The following ACADL variants were observed in gnomAD, a reference collection of about 807,000 sequenced individuals.
ACADL encodes the protein long-chain specific acyl-CoA dehydrogenase, mitochondrial.
A neutral mutation model predicts 56.9 loss-of-function variants in ACADL; 60 were observed. That is an observed-to-expected ratio of 1.05 (90% CI 0.86 to 1.31). The LOEUF is 1.31. Ranked by LOEUF, ACADL falls within the 50% of genes most tolerant of loss-of-function variation. The pLI is 0.00. For missense variants in ACADL, 484 were observed against 525.5 expected (o/e 0.92, Z 0.77); for synonymous variants, 158 against 179.7 (o/e 0.88, Z 0.97).
intron 4 of ACADL, among the ~76,000 whole-genome samples, chr2:210,215,938 C>A (rs900267685): frequency 6.6e-6 from 1 of 152,158 alleles, no homozygotes; most frequent in African/African-American, 2.4e-5. Context: ...AAATAACCAG[C>A]AAATAACTGA....
chr2:210,208,613 A>T (rs1509572), intron 5 of ACADL, among the ~76,000 whole-genome samples: 134,439 of 152,178 alleles, frequency 0.88, 59,630 homozygotes, highest in East Asian at 1. Flanking sequence ...TGTAAAGTTC[A>T]AAAGAAAAAG....
intron 8 of ACADL, among the ~76,000 whole-genome samples, chr2:210,202,053 C>G (rs368843947): frequency 2.0e-5 from 3 of 152,072 alleles, no homozygotes; most frequent in African/African-American, 7.2e-5. Context: ...CTTCACTCAC[C>G]TGTCTTTCAA....
At chr2:210,192,661 G>A in intron 10 of ACADL, 143 bp downstream of exon 10, 1 of 656,084 alleles carries the variant, frequency 1.5e-6, no homozygotes, top group Admixed American at 2.5e-5. Flanking sequence ...GTTTCCATTT[G>A]CTTGAATACA....
intron 1 of ACADL, among the ~76,000 whole-genome samples, chr2:210,222,478 G>A (rs1244380295): frequency 7.0e-6 from 1 of 142,568 alleles, no homozygotes; most frequent in Non-Finnish European, 1.5e-5. Context: ...GCAACATAGT[G>A]AGCCTTGTCA....
intron 2 of ACADL, 112 bp from the exon 3 acceptor site, chr2:210,218,214 G>T: frequency 3.2e-5 from 30 of 931,146 alleles, no homozygotes; most frequent in East Asian, 1.6e-4. Context: ...ATTTAAGGTA[G>T]TTATTTACAT....
At chr2:210,197,166 T>C (rs577589248) in intron 8 of ACADL, among the ~76,000 whole-genome samples, 2 of 152,274 alleles carry the variant, frequency 1.3e-5, no homozygotes, top group East Asian at 3.9e-4. Flanking sequence ...ACTGTGCTGA[T>C]GAAAACTCCA....
In ACADL at chr2:210,205,761, C is replaced by A; in HGVS notation, c.639G>T (p.Val213=). 6.2e-7 allele frequency: 1 copy of A among 1,614,038 alleles called. No homozygotes were observed. Among genetic ancestry groups the A allele is most frequent in the Non-Finnish European group, 8.5e-7 (1 of 1,179,964 alleles). Residue 213 remains valine (V), a synonymous_variant, in exon 6 of 11, where the codon GTG becomes GTT. Coordinates refer to ENST00000233710, the MANE Select transcript of ACADL (RefSeq NM_001608.4). ...FISNGSLSDV[V]IVVAVTNHEA... Reference sequence around the variant, plus strand: ...CATGATTTGTGACCGCAACTACAATCACAACATCACTTAATGACCCATTAC... The same window carrying A: ...CATGATTTGTGACCGCAACTACAATAACAACATCACTTAATGACCCATTAC...
chr2:210,196,996 C>A (rs551277269), intron 8 of ACADL, among the ~76,000 whole-genome samples: 4 of 152,132 alleles, frequency 2.6e-5, no homozygotes, highest in African/African-American at 7.2e-5. Flanking sequence ...AAAACTGATT[C>A]TTTCACTGTC....
intron 8 of ACADL, among the ~76,000 whole-genome samples, chr2:210,196,670 C>A (rs1688715302): frequency 6.6e-6 from 1 of 152,168 alleles, no homozygotes; most frequent in Non-Finnish European, 1.5e-5. Context: ...AAAGTATACT[C>A]CATTCTAGTT....
intron 1 of ACADL, 124 bp from the exon 2 acceptor site, chr2:210,220,926 T>A (rs1689166754): frequency 1.3e-6 from 1 of 795,276 alleles, no homozygotes; most frequent in Non-Finnish European, 2.0e-6. Flanking sequence ...AGAAAGAGTT[T>A]GAATTATGAC....
At position 210,225,363 on chromosome 2, in the gene ACADL, C is replaced by G; in HGVS notation, c.-100G>C. 7.4e-7 allele frequency: 1 copy of G among 1,358,806 alleles called. No individual in the cohort carries two copies. The highest frequency in any genetic ancestry group is 1.0e-6 in the Non-Finnish European group (1 of 999,080). 84.2% of individuals were successfully genotyped at this position (1,358,806 alleles called of 1,614,324 possible). On this transcript the variant is annotated 5_prime_UTR_variant, in exon 1 of 11. Transcript: ENST00000233710. Reference sequence around the variant, plus strand: ...GAGGGAGGACGATCAGCTGAGGCGTCCACCTGTGGTGTCCTCCCAAAAAAG... The same window carrying G: ...GAGGGAGGACGATCAGCTGAGGCGTGCACCTGTGGTGTCCTCCCAAAAAAG...
intron 1 of ACADL, among the ~76,000 whole-genome samples, chr2:210,223,209 G>C (rs1313428591): frequency 6.6e-6 from 1 of 152,116 alleles, no homozygotes; most frequent in African/African-American, 2.4e-5. Context: ...TATGCAGAGG[G>C]AAGAAAATCA....
At chr2:210,192,984 T>G in intron 9 of ACADL, 94 bp from the exon 10 acceptor site, 1 of 926,646 alleles carries the variant, frequency 1.1e-6, no homozygotes, top group South Asian at 1.4e-5. Context: ...TACAATTGTT[T>G]AAATGTGCAC....
Position 210,205,815 on chromosome 2 carries a change from A to G in ACADL, c.604-19T>C. The G allele has an allele frequency of 1.2e-6, 2 of 1,613,370 alleles. No individual in the cohort carries two copies. The highest frequency in any genetic ancestry group is 1.7e-6 in the Non-Finnish European group (2 of 1,179,414). ...TGAACACCTGCAAAACCCCAAGTAC[A>G]TTATTAATGCACCATGATAATTCAA... On this transcript the variant is annotated intron_variant, in intron 5 of 10. Transcript: ENST00000233710.
chr2:210,195,252 C>T lies in ACADL; in HGVS notation c.1071G>A (p.Ala357=), dbSNP rs377739826. The stretch of plus-strand genomic sequence containing the variant: ...AAGCAGTGGCGGAGTCCAAACGTTT[C>T]GCTTCATGCAGCTGGAGACAGTTGT... ...FVDNCLQLHE[A]KRLDSATACM... is the part of the protein sequence containing the mutation. Residue 357 remains alanine (A), a synonymous_variant, in exon 9 of 11, where the codon GCG becomes GCA. Coordinates refer to ENST00000233710, the MANE Select transcript of ACADL (RefSeq NM_001608.4). The T allele has an allele frequency of 3.1e-5, 50 of 1,613,774 alleles. No homozygotes were observed. The highest frequency in any genetic ancestry group is 1.6e-4 in the Middle Eastern group (1 of 6,082).
At chr2:210,190,778 T>C (rs1345659369) in intron 10 of ACADL, among the ~76,000 whole-genome samples, 1 of 152,088 alleles carries the variant, frequency 6.6e-6, no homozygotes, top group Non-Finnish European at 1.5e-5. Flanking sequence ...CAGCAACATA[T>C]ATATAAACTA....
intron 1 of ACADL, chr2:210,224,819 C>CCT (rs1222639884): frequency 9.9e-7 from 1 of 1,012,802 alleles, no homozygotes; most frequent in Non-Finnish European, 1.2e-6. Flanking sequence ...TGCAGCCGGG[C>CCT]CCAGGGGGTG....
chr2:210,197,161 G>T (rs533953018), intron 8 of ACADL, among the ~76,000 whole-genome samples: 82 of 152,252 alleles, frequency 5.4e-4, no homozygotes, highest in African/African-American at 1.8e-3. Flanking sequence ...TAACTACTGT[G>T]CTGATGAAAA....
intron 7 of ACADL, 135 bp from the exon 8 acceptor site, chr2:210,203,579 T>G (rs916503648): frequency 1.2e-5 from 7 of 599,706 alleles, no homozygotes; most frequent in South Asian, 1.1e-4. Context: ...TAACTCCTTA[T>G]AAGAAAACAG....
Sources: gnomAD v4.1 joint callset for allele counts (sites outside exome capture counted in the v4.1 genomes callset) on GRCh38, gnomAD v4.1.1 for gene constraint, MANE v1.5 for transcripts, NCBI Gene and HGNC (gene_info 2026-07-23, HGNC 2026-07-21) for gene names.